Variants in PPM1F observed in about 807,000 individuals in gnomAD.
PPM1F encodes the protein protein phosphatase, Mg2+/Mn2+ dependent 1F, also known as protein phosphatase 1F.
PPM1F carries 17 observed loss-of-function variants against 35.5 expected under a neutral mutation model. The ratio of observed to expected loss-of-function variants is 0.48; its 90% confidence interval spans 0.33 to 0.72. PPM1F has a LOEUF of 0.72. Among genes scored for constraint, PPM1F ranks in the 30% least tolerant of loss-of-function variants. PPM1F has a pLI of 0.02. For missense variants in PPM1F, 521 were observed against 613.0 expected (o/e 0.85, Z 1.59); for synonymous variants, 241 against 255.5 (o/e 0.94, Z 0.54).
At position 21,934,024 on chromosome 22, in the gene PPM1F, A is replaced by G. The variant is rs1440266826; in HGVS notation, c.558T>C (p.Ser186=). ...CCAGGGTCTGGACGGGAGCACTCAC[A>G]GACAAGCCGAAGAGCTGGTTGAAGG... is the stretch of plus-strand genomic sequence containing the variant. ...LPSFNQLFGL[S]DPVNRAYFAV... The change falls in exon 4 of 8, where the codon TCT becomes TCC. Residue 186 remains serine (S), a splice_region_variant and synonymous_variant. Coordinates refer to ENST00000263212, the MANE Select transcript of PPM1F (RefSeq NM_014634.4). 3.2e-6 allele frequency: 5 copies of G among 1,551,370 alleles called. No homozygotes were observed.
At chr22:21,931,774 T>C (rs1291740257) in intron 5 of PPM1F, among the ~76,000 whole-genome samples, 1 of 151,996 alleles carries the variant, frequency 6.6e-6, no homozygotes, top group Non-Finnish European at 1.5e-5. Flanking sequence ...TGCCTTGGCC[T>C]CCCAAAGTGC....
At chr22:21,938,388 CTAAGG>C in intron 3 of PPM1F, 1 of 1,164,584 alleles carries the variant, frequency 8.6e-7, no homozygotes, top group Non-Finnish European at 1.1e-6. Context: ...GTCTCCCAGG[CTAAGG>C]CAAGGCTGCG....
chr22:21,924,729 C>T (rs1276602270), intron 7 of PPM1F: 3 of 150,960 alleles, frequency 2.0e-5, no homozygotes, highest in Admixed American at 6.6e-5. Flanking sequence ...GCCACCACAC[C>T]TGGCTAACTT....
intron 1 of PPM1F, chr22:21,951,487 C>G (rs902803454): frequency 6.6e-6 from 1 of 151,240 alleles, no homozygotes; most frequent in African/African-American, 2.4e-5. Flanking sequence ...TCCTGAGTAG[C>G]TAGGATTACA....
intron 2 of PPM1F, among the ~76,000 whole-genome samples, chr22:21,940,196 C>T (rs188002615): frequency 4.6e-5 from 7 of 152,198 alleles, no homozygotes; most frequent in Non-Finnish European, 7.4e-5. Flanking sequence ...GAATTTGGGC[C>T]GGGTGCGGTG....
chr22:21,939,638 T>C lies in PPM1F; in HGVS notation c.249A>G (p.Ala83=), dbSNP rs1444775948. 1.3e-6 allele frequency: 2 copies of C among 1,556,618 alleles called. No individual in the cohort carries two copies. Among genetic ancestry groups the C allele is most frequent in the South Asian group, 1.2e-5 (1 of 84,504 alleles). Residue 83 remains alanine (A), a synonymous_variant, in exon 3 of 8, where the codon GCA becomes GCG. Transcript: ENST00000263212. This position sits in a 1 kb window ranked among gnomAD's most constrained non-coding sequence, Gnocchi z 5.1. ...PPLAAALAHE[A]VSQLLQTDLS... ...GGTCTGTCTGTAGCAGCTGTGAAAC[T>C]GCTTCGTGGGCCAGAGCAGCAGCAA...
At chr22:21,932,522 C>A (rs542619264) in intron 5 of PPM1F, among the ~76,000 whole-genome samples, 4 of 152,244 alleles carry the variant, frequency 2.6e-5, no homozygotes, top group African/African-American at 9.6e-5. Context: ...TGGGGCGGGT[C>A]TTTTAAGCAA....
In PPM1F at chr22:21,939,264, TTCAG is replaced by T; in HGVS notation, c.355+264_355+267del. ...TTAATTTCCTGGGCTGTTCTGGAAC[TTCAG>T]TCAGACAGGACACAGGAGGGTGTCT... On this transcript the variant is annotated intron_variant, in intron 3 of 7. Transcript: ENST00000263212. This position sits in a 1 kb window ranked among gnomAD's most constrained non-coding sequence, Gnocchi z 5.1. 2.1e-6 allele frequency: 1 copy of T among 483,320 alleles called. No individual in the cohort carries two copies. The highest frequency in any genetic ancestry group is 2.7e-5 in the South Asian group (1 of 37,144). 29.9% of individuals were successfully genotyped at this position (483,320 alleles called of 1,614,324 possible).
At chr22:21,946,940 CT>C (rs2070782919) in intron 1 of PPM1F, 1 of 152,200 alleles carries the variant, frequency 6.6e-6, no homozygotes, top group African/African-American at 2.4e-5. Context: ...GGAGTTGCCC[CT>C]AACACCCCAG....
Position 21,933,450 on chromosome 22 carries a change from C to A in PPM1F, c.688G>T (p.Ala230Ser), listed in dbSNP as rs1310669846. The A allele has an allele frequency of 6.2e-7, 1 of 1,613,368 alleles. No homozygotes were observed. Among genetic ancestry groups the A allele is most frequent in the Non-Finnish European group, 8.5e-7 (1 of 1,179,966 alleles). ...GTGCGCCGGAAGGCTTCTCTGAGGG[C>A]TCCCTCAGGGTCTGTGGGCAGCTCT... The part of the protein sequence containing the change: ...QPELPTDPEG[A>S]LREAFRRTDQ... The change falls in exon 5 of 8, where the codon GCC becomes TCC. Residue 230 changes from alanine (A) to serine (S), a missense_variant. Coordinates refer to ENST00000263212, the MANE Select transcript of PPM1F (RefSeq NM_014634.4).
chr22:21,937,598 T>G (rs747918491), intron 3 of PPM1F: 1 of 153,632 alleles, frequency 6.5e-6, no homozygotes, highest in Non-Finnish European at 1.5e-5. Context: ...AGGGCCACTG[T>G]GCCCAGAAAA....
Position 21,939,002 on chromosome 22 carries a change from C to T in PPM1F, c.355+530G>A, listed in dbSNP as rs1285345063. 1 of 160,274 alleles carries T rather than the reference C, an allele frequency of 6.2e-6. No individual in the cohort carries two copies. Among genetic ancestry groups the T allele is most frequent in the Non-Finnish European group, 1.4e-5 (1 of 72,366 alleles). 9.9% of individuals were successfully genotyped at this position (160,274 alleles called of 1,614,324 possible). On this transcript the variant is annotated intron_variant, in intron 3 of 7. Transcript: ENST00000263212. This position sits in a 1 kb window ranked among gnomAD's most constrained non-coding sequence, Gnocchi z 5.1. ...CATCTAACCATGGGGCTCATGGACA[C>T]CGTAGAGCGTCTCCACCCAACAGAA... is the stretch of plus-strand genomic sequence containing the variant.
rs557910580 is a variant in PPM1F, at chr22:21,937,956, A to G, written c.355+1576T>C. On this transcript the variant is annotated intron_variant, in intron 3 of 7. Coordinates refer to ENST00000263212, the MANE Select transcript of PPM1F (RefSeq NM_014634.4). The stretch of plus-strand genomic sequence containing the variant: ...GCTCTTCAGTGGCAATTCTTATAAT[A>G]CAATCCCCACTCTGACGCAATTTTG... The G allele has an allele frequency of 1.1e-4, 66 of 595,210 alleles. 1 individual carries two copies. In the South Asian group the frequency reaches 1.2e-3, roughly 11 times the overall value. The allele number at this position is 595,210 out of a possible 1,614,324, so 36.9% of individuals were successfully genotyped here.
chr22:21,937,916 T>G, intron 3 of PPM1F: 1 of 376,832 alleles, frequency 2.7e-6, no homozygotes, highest in East Asian at 1.2e-4. Flanking sequence ...CACACAGAGG[T>G]TTCAGCCACT....
intron 3 of PPM1F, chr22:21,936,145 G>C (rs2070656199): frequency 6.6e-6 from 1 of 152,146 alleles, no homozygotes; most frequent in African/African-American, 2.4e-5. Flanking sequence ...TTCCAGTCTG[G>C]GTGACAGAGG....
chr22:21,951,998 GC>G, intron 1 of PPM1F: 1 of 152,392 alleles, frequency 6.6e-6, no homozygotes, highest in South Asian at 2.1e-4. Context: ...GCTCAGCTGG[GC>G]CCAGAGAACT....
intron 5 of PPM1F, among the ~76,000 whole-genome samples, chr22:21,932,939 G>A (rs931142400): frequency 6.6e-6 from 1 of 152,150 alleles, no homozygotes; most frequent in Non-Finnish European, 1.5e-5. Flanking sequence ...ATGCAGAGAC[G>A]GCTCTGGCCC....
intron 5 of PPM1F, chr22:21,932,720 T>C (rs901887363): frequency 1.3e-5 from 2 of 152,234 alleles, no homozygotes; most frequent in Non-Finnish European, 2.9e-5. Flanking sequence ...CACATGGCTA[T>C]AACTCCCGAG....
Position 21,946,127 on chromosome 22 carries a change from G to A in PPM1F, c.-60-19C>T. 1 of 1,265,808 alleles carries A rather than the reference G, an allele frequency of 7.9e-7. No individual in the cohort carries two copies. The highest frequency in any genetic ancestry group is 1.6e-5 in the South Asian group (1 of 62,108). 78.4% of individuals were successfully genotyped at this position (1,265,808 alleles called of 1,614,324 possible). A position where few individuals can be genotyped will look rare whatever the true frequency, so the allele number is the denominator to read the frequency against. On this transcript the variant is annotated intron_variant, in intron 1 of 7. Transcript: ENST00000263212. ...CTTCACCCTGGGGAGAAATGTCAGAGTCAGCAGAATCAGGGGGCCATGGCA... is the reference window on the plus strand; with the variant it reads ...CTTCACCCTGGGGAGAAATGTCAGAATCAGCAGAATCAGGGGGCCATGGCA...
Sources: allele counts gnomAD v4.1 joint callset (sites outside exome capture counted in the v4.1 genomes callset), GRCh38; gene constraint gnomAD v4.1.1; non-coding constraint Gnocchi (gnomAD v3.1); transcripts MANE v1.5; gene names NCBI Gene and HGNC (gene_info 2026-07-23, HGNC 2026-07-21).